KCTD16: variants seen among roughly 807,000 people sequenced by gnomAD.
KCTD16 encodes BTB/POZ domain-containing protein KCTD16.
In KCTD16, 13 loss-of-function variants were observed where a neutral mutation model predicts 33.2. The observed-to-expected ratio is 0.39, with a 90% CI of 0.25 to 0.62. The LOEUF (loss-of-function observed/expected upper bound fraction) is 0.62. Ranked by LOEUF, KCTD16 falls within the 20% of genes least tolerant of loss-of-function variation. The probability of loss-of-function intolerance (pLI) is 0.50; values close to 1 mark genes in which losing one functional copy is unlikely to be tolerated. For synonymous variants in KCTD16, 197 were observed against 195.3 expected, an observed-to-expected ratio of 1.01 and a Z score of -0.07; for missense variants, 441 against 525.1, an observed-to-expected ratio of 0.84 and a Z score of 1.57.
At chr5:144,375,486 T>G (rs1030445972) in intron 3 of KCTD16, among the ~76,000 whole-genome samples, 1 of 152,098 alleles carries the variant, frequency 6.6e-6, no homozygotes, top group Non-Finnish European at 1.5e-5. Flanking sequence ...TTCCTGTGTT[T>G]CTCCCCTCCT....
chr5:144,383,073 C>T (rs1752250550), intron 3 of KCTD16: 1 of 152,186 alleles, frequency 6.6e-6, no homozygotes, highest in South Asian at 2.1e-4. Flanking sequence ...TGCAGAGAAG[C>T]AGAAACCTGC....
intron 3 of KCTD16, among the ~76,000 whole-genome samples, chr5:144,337,905 G>A (rs1169328400): frequency 6.6e-6 from 1 of 152,088 alleles, no homozygotes; most frequent in African/African-American, 2.4e-5. Flanking sequence ...ATATGAAATG[G>A]GGAAAATGAT....
intron 3 of KCTD16, among the ~76,000 whole-genome samples, chr5:144,342,322 A>G (rs1280090462): frequency 1.2e-4 from 19 of 152,122 alleles, no homozygotes; most frequent in Admixed American, 1.1e-3. Context: ...TAGGAATTTT[A>G]TTCTCTTTGA....
At chr5:144,210,478 T>A (rs995367465) in intron 3 of KCTD16, among the ~76,000 whole-genome samples, 6 of 152,184 alleles carry the variant, frequency 3.9e-5, no homozygotes, top group Non-Finnish European at 7.4e-5. Context: ...TTTAGACATG[T>A]CCTTTGCTTT....
chr5:144,191,391 A>C (rs1319795763), intron 2 of KCTD16, among the ~76,000 whole-genome samples: 1 of 152,320 alleles, frequency 6.6e-6, no homozygotes, highest in East Asian at 1.9e-4. Flanking sequence ...CTTTTGCTCC[A>C]GCCAAACTGG....
chr5:144,268,311 A>G lies in KCTD16; in HGVS notation c.832+60765A>G, dbSNP rs1157719800. Among the ~76,000 whole-genome samples the G allele has an allele frequency of 2.0e-5, 3 of 152,226 alleles. No individual in the cohort carries two copies. In the East Asian group the frequency reaches 5.8e-4, roughly 29 times the overall value. ...GTATAGGCAGCAATATTTGCTACAC[A>G]TCGCGCTATTGTTGACAGCCCTTCC... is the stretch of plus-strand genomic sequence containing the variant. On this transcript the variant is annotated intron_variant, in intron 3 of 3. Coordinates refer to ENST00000512467, the MANE Select transcript of KCTD16 (RefSeq NM_020768.4).
chr5:144,199,325 G>C (rs1365256427), intron 2 of KCTD16, among the ~76,000 whole-genome samples: 1 of 152,106 alleles, frequency 6.6e-6, no homozygotes, highest in Non-Finnish European at 1.5e-5. Context: ...ATAGTACATA[G>C]AGCAGACATA....
chr5:144,351,827 G>T (rs971629547), intron 3 of KCTD16, among the ~76,000 whole-genome samples: 1 of 152,136 alleles, frequency 6.6e-6, no homozygotes, highest in African/African-American at 2.4e-5. Context: ...TCACTTATAT[G>T]TGGAGTGTGA....
chr5:144,414,162 C>T (rs1241765575), intron 3 of KCTD16, among the ~76,000 whole-genome samples: 2 of 152,170 alleles, frequency 1.3e-5, no homozygotes, highest in African/African-American at 4.8e-5. Flanking sequence ...TCCCAATTTT[C>T]AAGGTGTCAG....
At chr5:144,453,688 T>G (rs1753997750) in intron 3 of KCTD16, among the ~76,000 whole-genome samples, 1 of 152,138 alleles carries the variant, frequency 6.6e-6, no homozygotes, top group Non-Finnish European at 1.5e-5. Flanking sequence ...CATTGAGTAA[T>G]TGTTGTTAGA....
intron 3 of KCTD16, among the ~76,000 whole-genome samples, chr5:144,368,821 G>A (rs1048424965): frequency 6.6e-6 from 1 of 152,164 alleles, no homozygotes; most frequent in Non-Finnish European, 1.5e-5. Context: ...TCATCAAGAG[G>A]CCTTAGGAAG....
At chr5:144,261,167 C>T (rs200951590) in intron 3 of KCTD16, among the ~76,000 whole-genome samples, 1 of 78,076 alleles carries the variant, frequency 1.3e-5, no homozygotes, top group South Asian at 5.7e-4. Flanking sequence ...GGAACAACAA[C>T]AAAAAAAAAA....
intron 3 of KCTD16, among the ~76,000 whole-genome samples, chr5:144,406,679 A>G (rs1180882990): frequency 3.3e-5 from 5 of 152,224 alleles, no homozygotes; most frequent in Non-Finnish European, 7.3e-5. Context: ...GGCCAACGGC[A>G]CTCATTCACA....
At chr5:144,379,144 T>C (rs534167807) in intron 3 of KCTD16, among the ~76,000 whole-genome samples, 1 of 152,290 alleles carries the variant, frequency 6.6e-6, no homozygotes, top group South Asian at 2.1e-4. Flanking sequence ...GGTATATGCC[T>C]TTTACGACTA....
intron 3 of KCTD16, among the ~76,000 whole-genome samples, chr5:144,465,183 C>CG (rs1754295147): frequency 1.0e-5 from 1 of 96,492 alleles, no homozygotes; most frequent in Admixed American, 1.2e-4. Flanking sequence ...TCTCTCTCTC[C>CG]CCCCCCTCTC....
At chr5:144,399,146 C>T (rs564175957) in intron 3 of KCTD16, among the ~76,000 whole-genome samples, 66 of 152,250 alleles carry the variant, frequency 4.3e-4, no homozygotes, top group African/African-American at 1.5e-3. Flanking sequence ...TAAAGCAAAA[C>T]GGTAGTTGTG....
At chr5:144,423,465 T>A (rs1336579253) in intron 3 of KCTD16, among the ~76,000 whole-genome samples, 1 of 152,090 alleles carries the variant, frequency 6.6e-6, no homozygotes. Context: ...AGGTCATTCC[T>A]CCCATCCCCC....
chr5:144,395,788 G>C (rs1026492199), intron 3 of KCTD16, among the ~76,000 whole-genome samples: 2 of 152,290 alleles, frequency 1.3e-5, no homozygotes, highest in African/African-American at 4.8e-5. Flanking sequence ...TTGCCTGACA[G>C]CTGTGGTCCA....
At chr5:144,286,906 T>C (rs377619257) in intron 3 of KCTD16, among the ~76,000 whole-genome samples, 9 of 152,232 alleles carry the variant, frequency 5.9e-5, no homozygotes, top group African/African-American at 1.2e-4. Flanking sequence ...CTGACACTTA[T>C]TGAGCACTTA....
Sources: allele counts gnomAD v4.1 joint callset (sites outside exome capture counted in the v4.1 genomes callset), GRCh38; gene constraint gnomAD v4.1.1; transcripts MANE v1.5; gene names NCBI Gene and HGNC (gene_info 2026-07-23, HGNC 2026-07-21).